PRKCE: variants seen among roughly 807,000 people sequenced by gnomAD.
PRKCE encodes protein kinase C epsilon type.
PRKCE carries 16 observed loss-of-function variants against 85.4 expected under a neutral mutation model. That is an observed-to-expected ratio of 0.19 (90% confidence interval 0.13 to 0.28). The LOEUF (loss-of-function observed/expected upper bound fraction) is 0.28. Ranked by LOEUF, PRKCE falls within the 10% of genes least tolerant of loss-of-function variation. The probability of loss-of-function intolerance (pLI) is 1.00; values close to 1 mark genes in which losing one functional copy is unlikely to be tolerated. For synonymous variants in PRKCE, 388 were observed against 371.5 expected, an observed-to-expected ratio of 1.04 and a Z score of -0.51; for missense variants, 573 against 975.2, an observed-to-expected ratio of 0.59 and a Z score of 5.49.
chr2:45,997,441 C>A (rs1308697415), intron 6 of PRKCE, among the ~76,000 whole-genome samples: 1 of 152,018 alleles, frequency 6.6e-6, no homozygotes, highest in East Asian at 1.9e-4. Context: ...AATGTTTTTC[C>A]TAATATATGC....
At chr2:45,682,212 C>A (rs1184963678) in intron 1 of PRKCE, among the ~76,000 whole-genome samples, 1 of 152,044 alleles carries the variant, frequency 6.6e-6, no homozygotes, top group Admixed American at 6.5e-5. Flanking sequence ...AATATGATTT[C>A]TTATTCTTTT....
chr2:46,098,355 C>T (rs1237247482), intron 11 of PRKCE, among the ~76,000 whole-genome samples: 1 of 152,128 alleles, frequency 6.6e-6, no homozygotes, highest in Non-Finnish European at 1.5e-5. Flanking sequence ...TTGTGAGAAT[C>T]AAATGAGAGT....
At chr2:45,858,384 T>TTG (rs397795980) in intron 2 of PRKCE, among the ~76,000 whole-genome samples, 20 of 152,062 alleles carry the variant, frequency 1.3e-4, no homozygotes, top group African/African-American at 4.8e-4. Flanking sequence ...GGTTTTTTTT[T>TTG]GACTTAAGAA....
At chr2:45,933,653 T>C (rs1208386422) in intron 2 of PRKCE, among the ~76,000 whole-genome samples, 1 of 151,760 alleles carries the variant, frequency 6.6e-6, no homozygotes, top group Non-Finnish European at 1.5e-5. Context: ...TTTTTTTGTG[T>C]TTTTAGTGGA....
intron 2 of PRKCE, among the ~76,000 whole-genome samples, chr2:45,917,687 G>A (rs1258465703): frequency 1.3e-5 from 2 of 152,226 alleles, no homozygotes; most frequent in Admixed American, 1.3e-4. Context: ...TCAGCCCTTG[G>A]GTGGTCGATG....
At chr2:45,730,000 C>T (rs1409112994) in intron 1 of PRKCE, among the ~76,000 whole-genome samples, 1 of 152,174 alleles carries the variant, frequency 6.6e-6, no homozygotes, top group East Asian at 1.9e-4. Flanking sequence ...AGTTCAACAA[C>T]ATTGACAAGA....
At chr2:46,117,815 C>T (rs1005024105) in intron 11 of PRKCE, among the ~76,000 whole-genome samples, 2 of 152,164 alleles carry the variant, frequency 1.3e-5, no homozygotes, top group Non-Finnish European at 2.9e-5. Flanking sequence ...GAGCCAGGTA[C>T]ATAGTAGGTA....
intron 10 of PRKCE, among the ~76,000 whole-genome samples, chr2:46,072,683 C>T (rs576039026): frequency 6.6e-6 from 1 of 152,224 alleles, no homozygotes; most frequent in South Asian, 2.1e-4. Flanking sequence ...CTCACATAAG[C>T]CCAGTATGGT....
At chr2:45,837,071 C>T (rs1363869460) in intron 1 of PRKCE, among the ~76,000 whole-genome samples, 1 of 152,178 alleles carries the variant, frequency 6.6e-6, no homozygotes, top group Non-Finnish European at 1.5e-5. Context: ...CCAATAACCC[C>T]CAACATGTAG....
Position 45,652,023 on chromosome 2 carries a change from G to A in PRKCE, c.-78G>A. 8.6e-7 allele frequency: 1 copy of A among 1,160,018 alleles called. No individual in the cohort carries two copies. The highest frequency in any genetic ancestry group is 1.6e-5 in the African/African-American group (1 of 64,484). 71.9% of individuals were successfully genotyped at this position (1,160,018 alleles called of 1,614,324 possible). A position where few individuals can be genotyped will look rare whatever the true frequency, so the allele number is the denominator to read the frequency against. On this transcript the variant is annotated 5_prime_UTR_variant, in exon 1 of 15. Coordinates refer to ENST00000306156, the MANE Select transcript of PRKCE (RefSeq NM_005400.3). This position sits in a 1 kb window ranked among gnomAD's most constrained non-coding sequence, Gnocchi z 7.7. ...GGGACCCAAGAGTCCCTGTGGCTCGGAGTGCCGGGCCGTCGGTTCTTCATT... is the reference window on the plus strand; with the variant it reads ...GGGACCCAAGAGTCCCTGTGGCTCGAAGTGCCGGGCCGTCGGTTCTTCATT...
chr2:45,699,952 C>T (rs1303604912), intron 1 of PRKCE, among the ~76,000 whole-genome samples: 1 of 151,896 alleles, frequency 6.6e-6, no homozygotes, highest in Non-Finnish European at 1.5e-5. Context: ...CAGGGGGTAG[C>T]AGGTGGGGTG....
At chr2:46,128,877 GT>G (rs901377114) in intron 11 of PRKCE, among the ~76,000 whole-genome samples, 4 of 152,136 alleles carry the variant, frequency 2.6e-5, no homozygotes, top group Admixed American at 6.5e-5. Context: ...GGTCCTGCTC[GT>G]GGGCACTTGA....
chr2:45,791,422 C>T (rs185768498), intron 1 of PRKCE, among the ~76,000 whole-genome samples: 39 of 152,302 alleles, frequency 2.6e-4, no homozygotes, highest in African/African-American at 9.1e-4. Flanking sequence ...GCCCTACACC[C>T]GCTGGGCCTT....
chr2:46,095,551 C>T (rs150175700), intron 11 of PRKCE, among the ~76,000 whole-genome samples: 1 of 152,214 alleles, frequency 6.6e-6, no homozygotes, highest in Non-Finnish European at 1.5e-5. Flanking sequence ...ACATCACCCT[C>T]ATCTCCAGAG....
chr2:45,908,262 G>A (rs1697129411), intron 2 of PRKCE, among the ~76,000 whole-genome samples: 1 of 152,146 alleles, frequency 6.6e-6, no homozygotes. Flanking sequence ...AAAGAAACAT[G>A]ATAAAATAAC....
rs529818214 is a variant in PRKCE, at chr2:46,030,341, A to G, written c.1437+19824A>G. Among the ~76,000 whole-genome samples, 14 of 152,320 alleles carry G rather than the reference A, an allele frequency of 9.2e-5. No individual in the cohort carries two copies. In the East Asian group the frequency reaches 2.3e-3, roughly 25 times the overall value. Reference sequence around the variant, plus strand: ...TAACCCCCAGGTCCTTTAAACCCACATGGGGCACTCTGGAGTGCTTTCCTG... The same window carrying G: ...TAACCCCCAGGTCCTTTAAACCCACGTGGGGCACTCTGGAGTGCTTTCCTG... On this transcript the variant is annotated intron_variant, in intron 10 of 14. Transcript: ENST00000306156.
chr2:45,738,995 A>G (rs1682321438), intron 1 of PRKCE, among the ~76,000 whole-genome samples: 1 of 152,258 alleles, frequency 6.6e-6, no homozygotes, highest in African/African-American at 2.4e-5. Flanking sequence ...AGATGGAAGC[A>G]AAGTGGGATG....
intron 14 of PRKCE, chr2:46,164,787 G>A (rs1357109422): frequency 6.6e-6 from 1 of 152,366 alleles, no homozygotes; most frequent in East Asian, 1.9e-4. Flanking sequence ...GCACAACAAG[G>A]CTGTACTCTG....
chr2:45,707,778 C>T (rs552932299), intron 1 of PRKCE, among the ~76,000 whole-genome samples: 132 of 152,334 alleles, frequency 8.7e-4, no homozygotes, highest in African/African-American at 3.0e-3. Context: ...CCCACACAGA[C>T]GAGCTGAGAG....
Sources: gnomAD v4.1 joint callset for allele counts (sites outside exome capture counted in the v4.1 genomes callset) on GRCh38, gnomAD v4.1.1 for gene constraint, Gnocchi (gnomAD v3.1) non-coding constraint, MANE v1.5 for transcripts, NCBI Gene and HGNC (gene_info 2026-07-23, HGNC 2026-07-21) for gene names.